Variants in VPS13A observed in about 807,000 individuals in gnomAD.
VPS13A encodes intermembrane lipid transfer protein VPS13A.
In VPS13A, 264 loss-of-function variants were observed where a neutral mutation model predicts 390.9. That is an observed-to-expected ratio of 0.68 (90% CI 0.61 to 0.75). VPS13A has a LOEUF of 0.75. Ranked by LOEUF, VPS13A falls within the 30% of genes least tolerant of loss-of-function variation. The pLI is 0.00. For synonymous variants in VPS13A, 1,231 were observed against 1,227.1 expected, an observed-to-expected ratio of 1.00 and a Z score of -0.07; for missense variants, 3,409 against 3,733.9, an observed-to-expected ratio of 0.91 and a Z score of 2.27.
At chr9:77,384,714 G>A (rs761097516) in intron 68 of VPS13A, 16 of 1,576,066 alleles carry the variant, frequency 1.0e-5, no homozygotes, top group Non-Finnish European at 1.4e-5. Flanking sequence ...TACTTGGAAT[G>A]TTTCATTAAC....
At chr9:77,359,582 C>G (rs923681419) in intron 58 of VPS13A, among the ~76,000 whole-genome samples, 180 bp downstream of exon 58, 2 of 151,994 alleles carry the variant, frequency 1.3e-5, no homozygotes, top group Non-Finnish European at 2.9e-5. Flanking sequence ...CTTTGGGAGA[C>G]CTAGACAGGC....
At position 77,369,380 on chromosome 9, in the gene VPS13A, G is replaced by A. The variant is rs778119566; in HGVS notation, c.8635G>A (p.Gly2879Ser). 1 of 1,613,294 alleles carries A rather than the reference G, an allele frequency of 6.2e-7. No individual in the cohort carries two copies. Among genetic ancestry groups the A allele is most frequent in the South Asian group, 1.1e-5 (1 of 91,062 alleles). The change falls in exon 63 of 72, where the codon GGT becomes AGT. Residue 2879 changes from glycine (G) to serine (S), a missense_variant. By Grantham distance (56) the Gly-to-Ser change is moderately conservative (BLOSUM62 0). Coordinates refer to ENST00000360280, the MANE Select transcript of VPS13A (RefSeq NM_033305.3). ...TGGCTTAATTAGAGAATTTTCTGAAGGTGTAGAAGCATTTTTTTATGAACC... is the reference window on the plus strand; with the variant it reads ...TGGCTTAATTAGAGAATTTTCTGAAAGTGTAGAAGCATTTTTTTATGAACC... The part of the protein sequence containing the change: ...PFGLIREFSE[G>S]VEAFFYEPYQ...
Position 77,366,732 on chromosome 9 carries a change from T to C in VPS13A, c.8331T>C (p.His2777=), listed in dbSNP as rs1587669020. Residue 2777 remains histidine, a synonymous_variant, in exon 61 of 72, where the codon CAT becomes CAC. Coordinates refer to ENST00000360280, the MANE Select transcript of VPS13A (RefSeq NM_033305.3). ...TTATCTCTTTATCTTTTTAGTTACA[T>C]TTAAGTGTTTCACTGAGTTCCGGCA... ...EYFHISPIKL[H]LSVSLSSGRE... The C allele has an allele frequency of 1.9e-6, 3 of 1,611,364 alleles. No individual in the cohort carries two copies. The East Asian group carries it at 6.7e-5, about 36-fold the overall frequency.
intron 35 of VPS13A, among the ~76,000 whole-genome samples, chr9:77,311,213 C>T (rs377764550): frequency 6.6e-6 from 1 of 152,074 alleles, no homozygotes; most frequent in African/African-American, 2.4e-5. Flanking sequence ...CGTGAGCCAC[C>T]ATGCCTGGCC....
intron 35 of VPS13A, among the ~76,000 whole-genome samples, chr9:77,311,327 A>G (rs932459611): frequency 6.6e-6 from 1 of 152,162 alleles, no homozygotes; most frequent in Non-Finnish European, 1.5e-5. Flanking sequence ...CAAATCCCAG[A>G]TACTATACCA....
chr9:77,339,485 T>A (rs1830699821), intron 47 of VPS13A, 31 bp from the exon 48 acceptor site: 2 of 1,447,372 alleles, frequency 1.4e-6, no homozygotes, highest in Non-Finnish European at 9.3e-7. Flanking sequence ...ACATTTTAAA[T>A]TTTGTTTTGT....
At chr9:77,313,621 T>TA (rs1222697008) in intron 35 of VPS13A, among the ~76,000 whole-genome samples, 1 of 152,230 alleles carries the variant, frequency 6.6e-6, no homozygotes, top group Non-Finnish European at 1.5e-5. Context: ...TTTAGTTTTT[T>TA]AAAGTAAAAT....
chr9:77,391,055 A>G (rs1031762877), intron 68 of VPS13A, among the ~76,000 whole-genome samples: 2 of 152,220 alleles, frequency 1.3e-5, no homozygotes, highest in South Asian at 4.1e-4. Context: ...TTTTTAATCA[A>G]AGATCTGTCA....
At chr9:77,190,139 A>T (rs1419760500) in intron 1 of VPS13A, among the ~76,000 whole-genome samples, 1 of 152,138 alleles carries the variant, frequency 6.6e-6, no homozygotes, top group Non-Finnish European at 1.5e-5. Flanking sequence ...AACTATGTTG[A>T]ATAGGAGTAA....
At chr9:77,285,200 C>T (rs990787460) in intron 31 of VPS13A, among the ~76,000 whole-genome samples, 2 of 152,098 alleles carry the variant, frequency 1.3e-5, no homozygotes, top group African/African-American at 4.8e-5. Context: ...ACCAGAGAGG[C>T]ATAAGGTTTT....
At chr9:77,193,233 T>C (rs953463770) in intron 1 of VPS13A, among the ~76,000 whole-genome samples, 3 of 152,188 alleles carry the variant, frequency 2.0e-5, no homozygotes, top group Non-Finnish European at 4.4e-5. Context: ...ATTTTTCAGC[T>C]CTTGACTCAT....
chr9:77,412,079 C>A (rs4545161), intron 71 of VPS13A, among the ~76,000 whole-genome samples: 1 of 151,800 alleles, frequency 6.6e-6, no homozygotes, highest in Non-Finnish European at 1.5e-5. Flanking sequence ...CAATAACAGG[C>A]TCTGAAATTG....
chr9:77,219,930 T>A lies in VPS13A; in HGVS notation c.755-24T>A, dbSNP rs1219433625. ...GACTTTGGAAATATAACTCAGTTTTTTTTCCATTTTTATTATTTTTCAGTA... is the reference window on the plus strand; with the variant it reads ...GACTTTGGAAATATAACTCAGTTTTATTTCCATTTTTATTATTTTTCAGTA... On this transcript the variant is annotated intron_variant, in intron 10 of 71. Transcript: ENST00000360280. 1.9e-6 allele frequency: 3 copies of A among 1,611,594 alleles called. No homozygotes were observed. In the African/African-American group the frequency reaches 4.0e-5, roughly 22 times the overall value.
At chr9:77,313,640 T>C (rs1829220450) in intron 35 of VPS13A, among the ~76,000 whole-genome samples, 2 of 152,232 alleles carry the variant, frequency 1.3e-5, no homozygotes, top group Admixed American at 1.3e-4. Context: ...ATTTGAATAC[T>C]GAATTATGTG....
At chr9:77,275,980 C>T in intron 25 of VPS13A, 85 bp from the exon 26 acceptor site, 1 of 1,358,138 alleles carries the variant, frequency 7.4e-7, no homozygotes, top group Non-Finnish European at 1.0e-6. Flanking sequence ...TGTATGTATA[C>T]CTCATATATT....
At chr9:77,221,414 T>A in intron 13 of VPS13A, 58 bp downstream of exon 13, 2 of 1,568,528 alleles carry the variant, frequency 1.3e-6, no homozygotes, top group Non-Finnish European at 1.7e-6. Context: ...CTTATTGGTC[T>A]TCAGTGACTG....
At position 77,287,985 on chromosome 9, in the gene VPS13A, A is replaced by G. The variant is rs546619276; in HGVS notation, c.3339+4335A>G. Among the ~76,000 whole-genome samples the G allele has an allele frequency of 3.3e-5, 5 of 152,304 alleles. No homozygotes were observed. The South Asian group carries it at 6.2e-4, about 19-fold the overall frequency. On this transcript the variant is annotated intron_variant, in intron 31 of 71. Transcript: ENST00000360280. ...CTGTTGTGTAACTTACCTTCAGCATATACAATGGGTCTGTCAACCCTAAAT... is the reference window on the plus strand; with the variant it reads ...CTGTTGTGTAACTTACCTTCAGCATGTACAATGGGTCTGTCAACCCTAAAT...
chr9:77,407,706 T>C, intron 71 of VPS13A, 99 bp downstream of exon 71: 3 of 945,074 alleles, frequency 3.2e-6, no homozygotes, highest in Admixed American at 2.1e-5. Flanking sequence ...TTGGGGGTTT[T>C]TGTTTGTTTG....
In VPS13A at chr9:77,273,388, A is replaced by G. The variant is rs913656368; in HGVS notation, c.2512+24A>G. 6 of 1,532,230 alleles carry G rather than the reference A, an allele frequency of 3.9e-6. No individual in the cohort carries two copies. In the African/African-American group the frequency reaches 6.9e-5, roughly 18 times the overall value. The allele number at this position is 1,532,230 out of a possible 1,614,324, so 94.9% of individuals were successfully genotyped here. A position where few individuals can be genotyped will look rare whatever the true frequency, so the allele number is the denominator to read the frequency against. On this transcript the variant is annotated intron_variant, in intron 24 of 71. Coordinates refer to ENST00000360280, the MANE Select transcript of VPS13A (RefSeq NM_033305.3). The stretch of plus-strand genomic sequence containing the variant: ...TGGTAAAATGAAACTGCTTAAGGAT[A>G]TTTTTCTTATTTTATTAAAATAATT...
Sources: allele counts gnomAD v4.1 joint callset (sites outside exome capture counted in the v4.1 genomes callset), GRCh38; gene constraint gnomAD v4.1.1; transcripts MANE v1.5; gene names NCBI Gene and HGNC (gene_info 2026-07-23, HGNC 2026-07-21).